EPHA6: variants seen among roughly 807,000 people sequenced by gnomAD.
EPHA6 encodes the protein ephrin type-A receptor 6.
A neutral mutation model predicts 112.0 loss-of-function variants in EPHA6; 50 were observed. That is an observed-to-expected ratio of 0.45 (90% CI 0.36 to 0.56). EPHA6 has a LOEUF of 0.56. Ranked by LOEUF, EPHA6 falls within the 20% of genes least tolerant of loss-of-function variation. The pLI, the probability that EPHA6 is intolerant of heterozygous loss-of-function variation, is 0.00. For missense variants in EPHA6, 1,280 were observed against 1,417.4 expected (o/e 0.90, Z 1.56); for synonymous variants, 529 against 490.7 (o/e 1.08, Z -1.03).
chr3:97,588,458 A>G (rs770449126), intron 11 of EPHA6, among the ~76,000 whole-genome samples: 1 of 152,238 alleles, frequency 6.6e-6, no homozygotes, highest in Non-Finnish European at 1.5e-5. Flanking sequence ...TGAAGAAGTC[A>G]TATCTCATTT....
intron 6 of EPHA6, among the ~76,000 whole-genome samples, chr3:97,437,509 G>A (rs2089913488): frequency 6.6e-6 from 1 of 152,026 alleles, no homozygotes; most frequent in Admixed American, 6.6e-5. Context: ...TCTCTCAGTG[G>A]CATTTGTTGC....
intron 3 of EPHA6, among the ~76,000 whole-genome samples, chr3:97,202,381 C>T (rs114658464): frequency 0.014 from 2,081 of 150,370 alleles, 44 homozygotes; most frequent in African/African-American, 0.046. Context: ...GATGGAGTCT[C>T]GCTCTGTCAC....
intron 6 of EPHA6, among the ~76,000 whole-genome samples, chr3:97,418,055 T>C (rs2088277620): frequency 6.6e-6 from 1 of 151,800 alleles, no homozygotes; most frequent in East Asian, 1.9e-4. Context: ...GTTTGAAAAG[T>C]TTAAAAAATA....
chr3:97,169,653 T>TA (rs2076638006), intron 3 of EPHA6, among the ~76,000 whole-genome samples: 1 of 152,176 alleles, frequency 6.6e-6, no homozygotes, highest in Admixed American at 6.5e-5. Context: ...AATTCATAGA[T>TA]ACATATTTGC....
chr3:97,193,306 A>G (rs746205182), intron 3 of EPHA6, among the ~76,000 whole-genome samples: 19 of 151,888 alleles, frequency 1.3e-4, no homozygotes, highest in Non-Finnish European at 2.4e-4. Context: ...TGACCTCTTG[A>G]GTTTTTTTGC....
At chr3:97,522,484 A>C (rs1312716118) in intron 10 of EPHA6, among the ~76,000 whole-genome samples, 1 of 152,096 alleles carries the variant, frequency 6.6e-6, no homozygotes, top group Non-Finnish European at 1.5e-5. Flanking sequence ...ATCTACCTTC[A>C]TCAAGGATAT....
At position 97,045,172 on chromosome 3, in the gene EPHA6, TATC is replaced by T. The variant is rs1034955937; in HGVS notation, c.1114+57183_1114+57185del. ...TTAAGTGATATTTGGTGATCTAAAA[TATC>T]ATCTAGTAAAGATAAAATTCAGTAA... On this transcript the variant is annotated intron_variant, in intron 3 of 17. Coordinates refer to ENST00000389672, the MANE Select transcript of EPHA6 (RefSeq NM_001080448.3). Among the ~76,000 whole-genome samples the T allele has an allele frequency of 2.2e-4, 33 of 152,056 alleles. 1 individual carries two copies. The highest frequency in any genetic ancestry group is 2.2e-3 in the Admixed American group (33 of 15,252).
At chr3:97,363,171 AATATATATATAT>A (rs58214738) in intron 5 of EPHA6, among the ~76,000 whole-genome samples, 86 of 51,416 alleles carry the variant, frequency 1.7e-3, no homozygotes, top group South Asian at 4.2e-3. Flanking sequence ...TTGCCCCTGC[AATATATATATAT>A]ATATATATAT....
chr3:96,899,413 G>A (rs1237920221), intron 2 of EPHA6, among the ~76,000 whole-genome samples: 1 of 152,066 alleles, frequency 6.6e-6, no homozygotes, highest in Non-Finnish European at 1.5e-5. Flanking sequence ...AGTTCTAGGG[G>A]GAACATGAAG....
At chr3:97,450,146 T>A (rs1037530414) in intron 7 of EPHA6, among the ~76,000 whole-genome samples, 5 of 151,886 alleles carry the variant, frequency 3.3e-5, no homozygotes, top group Non-Finnish European at 5.9e-5. Context: ...TTATTAGGAG[T>A]AGAGTATTAT....
At chr3:97,476,196 G>A (rs916372919) in intron 8 of EPHA6, among the ~76,000 whole-genome samples, 1 of 151,966 alleles carries the variant, frequency 6.6e-6, no homozygotes, top group Non-Finnish European at 1.5e-5. Context: ...CATGGTATTT[G>A]GCCAGGACTT....
chr3:97,512,092 A>C (rs1207946791), intron 10 of EPHA6, among the ~76,000 whole-genome samples: 1 of 152,208 alleles, frequency 6.6e-6, no homozygotes, highest in Non-Finnish European at 1.5e-5. Context: ...CTGAGATTTT[A>C]CCTAAAATAA....
intron 3 of EPHA6, among the ~76,000 whole-genome samples, chr3:97,025,628 C>T (rs1036622694): frequency 2.6e-5 from 4 of 152,126 alleles, no homozygotes; most frequent in East Asian, 1.9e-4. Context: ...CTCACTCTTT[C>T]GCCAGGCTAG....
At chr3:97,480,235 AT>A (rs756776169) in intron 9 of EPHA6, among the ~76,000 whole-genome samples, 1 of 149,358 alleles carries the variant, frequency 6.7e-6, no homozygotes, top group Non-Finnish European at 1.5e-5. Context: ...TTATTTATTT[AT>A]TTTTTTTAGT....
chr3:96,885,505 A>T (rs2037571361), intron 2 of EPHA6, among the ~76,000 whole-genome samples: 1 of 151,982 alleles, frequency 6.6e-6, no homozygotes, highest in African/African-American at 2.4e-5. Context: ...TTTTCAGTTT[A>T]TGTGTGTAAT....
chr3:96,814,661 C>T lies in EPHA6; in HGVS notation c.38C>T (p.Pro13Leu). The T allele has an allele frequency of 6.8e-7, 1 of 1,480,050 alleles. No individual in the cohort carries two copies. 91.7% of individuals were successfully genotyped at this position (1,480,050 alleles called of 1,614,324 possible). Residue 13 changes from proline to leucine, a missense_variant, in exon 1 of 18, where the codon CCG (proline) becomes CTG (leucine). By Grantham distance (98) the Pro-to-Leu change is moderately conservative. Coordinates refer to ENST00000389672, the MANE Select transcript of EPHA6 (RefSeq NM_001080448.3). ...FPSPPAARSS[P>L]APQAASSSEA... Reference sequence around the variant, plus strand: ...TCGCCTCCAGCCGCGAGGAGCTCCCCGGCGCCGCAGGCAGCGTCCTCCTCC... The same window carrying T: ...TCGCCTCCAGCCGCGAGGAGCTCCCTGGCGCCGCAGGCAGCGTCCTCCTCC...
chr3:97,747,377 G>A, intron 16 of EPHA6, 46 bp from the exon 17 acceptor site: 1 of 1,421,088 alleles, frequency 7.0e-7, no homozygotes, highest in South Asian at 1.6e-5. Context: ...GCTTTATTTG[G>A]CTTTTAAATG....
chr3:96,948,407 C>G (rs1366975453), intron 2 of EPHA6, among the ~76,000 whole-genome samples: 1 of 152,130 alleles, frequency 6.6e-6, no homozygotes, highest in Non-Finnish European at 1.5e-5. Context: ...ACTTAGGAAT[C>G]AGTGCATTGT....
At chr3:97,406,919 A>G (rs934165760) in intron 6 of EPHA6, among the ~76,000 whole-genome samples, 4 of 152,094 alleles carry the variant, frequency 2.6e-5, no homozygotes, top group Non-Finnish European at 5.9e-5. Context: ...GTTTAAATAT[A>G]TTTTCATACA....
Sources: gnomAD v4.1 joint callset for allele counts (sites outside exome capture counted in the v4.1 genomes callset) on GRCh38, gnomAD v4.1.1 for gene constraint, MANE v1.5 for transcripts, NCBI Gene and HGNC (gene_info 2026-07-23, HGNC 2026-07-21) for gene names.